NFIA: variants seen among roughly 807,000 people sequenced by gnomAD.
NFIA encodes nuclear factor 1 A-type.
In NFIA, 8 loss-of-function variants were observed where a neutral mutation model predicts 62.8. That is an observed-to-expected ratio of 0.13 (90% CI 0.07 to 0.23). The LOEUF (loss-of-function observed/expected upper bound fraction) is 0.23, where lower values mean the gene tolerates loss of function less well. NFIA is among the 10% of genes least tolerant of loss of function. The pLI is 1.00. For missense variants in NFIA, 410 were observed against 642.1 expected (o/e 0.64, Z 3.91); for synonymous variants, 235 against 238.1 (o/e 0.99, Z 0.12).
intron 9 of NFIA, among the ~76,000 whole-genome samples, chr1:61,408,179 T>C (rs1022044423): frequency 2.0e-5 from 3 of 152,186 alleles, no homozygotes; most frequent in Admixed American, 1.3e-4. Flanking sequence ...TCAGGGGCAA[T>C]CTAGGGAAGA....
chr1:61,197,912 C>T (rs1009559986), intron 2 of NFIA, among the ~76,000 whole-genome samples: 5 of 151,970 alleles, frequency 3.3e-5, no homozygotes, highest in East Asian at 2.0e-4. Flanking sequence ...ACCCGAGAGG[C>T]GGAGGTTGCA....
intron 6 of NFIA, among the ~76,000 whole-genome samples, chr1:61,367,270 G>A (rs1267208006): frequency 2.0e-5 from 3 of 152,124 alleles, no homozygotes; most frequent in Non-Finnish European, 2.9e-5. Context: ...AGACACAGGG[G>A]AAACCCATTA....
chr1:61,415,801 G>A (rs1666321534), intron 9 of NFIA, among the ~76,000 whole-genome samples: 1 of 152,040 alleles, frequency 6.6e-6, no homozygotes, highest in African/African-American at 2.4e-5. Flanking sequence ...TTTACATTTT[G>A]TACCTATATT....
At chr1:61,340,981 T>A (rs1027390346) in intron 4 of NFIA, among the ~76,000 whole-genome samples, 7 of 152,152 alleles carry the variant, frequency 4.6e-5, no homozygotes, top group Non-Finnish European at 8.8e-5. Flanking sequence ...GCAGAATGTT[T>A]TAAAATTCTC....
intron 2 of NFIA, among the ~76,000 whole-genome samples, chr1:61,110,884 CAT>C (rs976630159): frequency 1.3e-5 from 2 of 152,030 alleles, no homozygotes; most frequent in African/African-American, 4.8e-5. Context: ...GAAGAAATAA[CAT>C]GTTAATGTTC....
intron 2 of NFIA, among the ~76,000 whole-genome samples, chr1:61,257,068 G>T (rs922823235): frequency 1.3e-5 from 2 of 151,966 alleles, no homozygotes. Context: ...TAGCAAATTC[G>T]CAAATAATTA....
chr1:61,279,585 C>T (rs1019821813), intron 3 of NFIA, among the ~76,000 whole-genome samples: 2 of 152,006 alleles, frequency 1.3e-5, no homozygotes, highest in Non-Finnish European at 2.9e-5. Flanking sequence ...TGTGCATAAT[C>T]TCCCTAAAGA....
chr1:61,104,900 ATCT>A (rs1646569103), intron 2 of NFIA, among the ~76,000 whole-genome samples: 1 of 151,998 alleles, frequency 6.6e-6, no homozygotes, highest in Non-Finnish European at 1.5e-5. Flanking sequence ...CCAAATTCTG[ATCT>A]TCTTTGGTGA....
intron 3 of NFIA, among the ~76,000 whole-genome samples, chr1:61,288,410 T>C (rs1367383666): frequency 6.6e-6 from 1 of 152,206 alleles, no homozygotes; most frequent in Non-Finnish European, 1.5e-5. Context: ...TTTGAACATG[T>C]TAAAGAAATA....
At chr1:61,252,758 C>T (rs1481769457) in intron 2 of NFIA, among the ~76,000 whole-genome samples, 2 of 152,180 alleles carry the variant, frequency 1.3e-5, no homozygotes, top group Non-Finnish European at 2.9e-5. Flanking sequence ...AATGTACATA[C>T]ACATGCTCAA....
At chr1:61,306,269 CTTTTTTTTTT>C (rs774297484) in intron 3 of NFIA, among the ~76,000 whole-genome samples, 4 of 60,628 alleles carry the variant, frequency 6.6e-5, no homozygotes, top group South Asian at 1.5e-3. Flanking sequence ...AGATTTTGTT[CTTTTTTTTTT>C]TTTTTTTTTT....
intron 2 of NFIA, among the ~76,000 whole-genome samples, chr1:61,097,731 C>T (rs531641153): frequency 6.6e-6 from 1 of 152,324 alleles, no homozygotes; most frequent in African/African-American, 2.4e-5. Flanking sequence ...TCCTTTTGTC[C>T]TGTCAGATGC....
At chr1:61,086,724 C>G (rs181910525) in intron 1 of NFIA, among the ~76,000 whole-genome samples, 3 of 152,028 alleles carry the variant, frequency 2.0e-5, no homozygotes, top group Non-Finnish European at 4.4e-5. Flanking sequence ...TTAAACAACA[C>G]GACTATTAAA....
In NFIA at chr1:61,342,525, C is replaced by T. The variant is rs868107151; in HGVS notation, c.701-9925C>T. Reference sequence around the variant, plus strand: ...CAATTTCAGCCCCCAAAGCAGAAGGCACTAATGCAGATCAGTCAGCATTGC... The same window carrying T: ...CAATTTCAGCCCCCAAAGCAGAAGGTACTAATGCAGATCAGTCAGCATTGC... On this transcript the variant is annotated intron_variant, in intron 4 of 10. Transcript: ENST00000403491. Among the ~76,000 whole-genome samples, 15 of 152,332 alleles carry T rather than the reference C, an allele frequency of 9.8e-5. No individual in the cohort carries two copies. In the South Asian group the frequency reaches 1.4e-3, roughly 15 times the overall value.
chr1:61,397,423 C>T lies in NFIA; in HGVS notation c.1076-6681C>T, dbSNP rs564033720. On this transcript the variant is annotated intron_variant, in intron 7 of 10. Coordinates refer to ENST00000403491, the MANE Select transcript of NFIA (RefSeq NM_001134673.4). ...TGTACTTTTTTGTCCAAGAGACAGG[C>T]GAGCAACAAGTACCTCTTGTTCCAT... 4.8e-4 allele frequency among the ~76,000 whole-genome samples: 73 copies of T among 152,270 alleles called. 1 individual carries two copies. The highest frequency in any genetic ancestry group is 9.8e-4 in the Admixed American group (15 of 15,298).
chr1:61,155,051 C>G (rs1404261783), intron 2 of NFIA, among the ~76,000 whole-genome samples: 2 of 152,126 alleles, frequency 1.3e-5, no homozygotes, highest in East Asian at 3.8e-4. Flanking sequence ...CTCCCTAGGC[C>G]TTGGTTTCCT....
At chr1:61,118,191 C>CACAAAAAAAAAAA (rs1646824778) in intron 2 of NFIA, among the ~76,000 whole-genome samples, 1 of 131,280 alleles carries the variant, frequency 7.6e-6, no homozygotes, top group Non-Finnish European at 1.6e-5. Flanking sequence ...TCTCAAAGAA[C>CACAAAAAAAAAAA]AAAAAAAAAA....
intron 2 of NFIA, among the ~76,000 whole-genome samples, chr1:61,246,762 C>T (rs898997552): frequency 3.3e-5 from 5 of 152,112 alleles, no homozygotes; most frequent in South Asian, 2.1e-4. Flanking sequence ...TAACGTGTAC[C>T]GAGTACTTAC....
intron 4 of NFIA, among the ~76,000 whole-genome samples, chr1:61,347,402 T>G (rs966743309): frequency 6.6e-6 from 1 of 151,892 alleles, no homozygotes; most frequent in African/African-American, 2.4e-5. Flanking sequence ...CTCGATCTCC[T>G]GACCTCATGA....
Sources: gnomAD v4.1 joint callset for allele counts (sites outside exome capture counted in the v4.1 genomes callset) on GRCh38, gnomAD v4.1.1 for gene constraint, MANE v1.5 for transcripts, NCBI Gene and HGNC (gene_info 2026-07-23, HGNC 2026-07-21) for gene names.